AFAP1L1: variants seen among roughly 807,000 people sequenced by gnomAD.
AFAP1L1 encodes the protein actin filament-associated protein 1-like 1.
Under a neutral mutation model 99.8 loss-of-function variants are expected in AFAP1L1, and 77 were observed. The observed-to-expected ratio is 0.77, with a 90% confidence interval of 0.64 to 0.93. The LOEUF is 0.93. Ranked by LOEUF, AFAP1L1 falls within the 40% of genes least tolerant of loss-of-function variation. The probability of loss-of-function intolerance (pLI) is 0.00; values close to 1 mark genes in which losing one functional copy is unlikely to be tolerated. For missense variants in AFAP1L1, 893 were observed against 996.8 expected (o/e 0.90, Z 1.40); for synonymous variants, 373 against 395.3 (o/e 0.94, Z 0.67).
rs566520241 is a variant in AFAP1L1, at chr5:149,336,814, C to T, written c.2283+1092C>T. Among the ~76,000 whole-genome samples, 6 of 152,368 alleles carry T rather than the reference C, an allele frequency of 3.9e-5. No homozygotes were observed. The South Asian group carries it at 1.2e-3, about 32-fold the overall frequency. ...CTCTTAAAGGCTGCACCTCTCAATA[C>T]TGCCACATTAGGGATTAAATTTCAA... On this transcript the variant is annotated intron_variant, in intron 18 of 18. Coordinates refer to ENST00000296721, the MANE Select transcript of AFAP1L1 (RefSeq NM_152406.4).
At chr5:149,332,293 A>G (rs564316255) in intron 16 of AFAP1L1, among the ~76,000 whole-genome samples, 1 of 152,306 alleles carries the variant, frequency 6.6e-6, no homozygotes, top group South Asian at 2.1e-4. Context: ...GCTACTTGGG[A>G]GGCTGAGGCA....
Position 149,322,932 on chromosome 5 carries a change from G to A in AFAP1L1, c.1810+215G>A, listed in dbSNP as rs188389721. ...AGGGAAAATGACAGGGAGTTGGGGG[G>A]TGGGGAGGTACTGTAGGAAACCGGT... On this transcript the variant is annotated intron_variant, in intron 15 of 18. Transcript: ENST00000296721. Among the ~76,000 whole-genome samples the A allele has an allele frequency of 1.1e-4, 16 of 152,212 alleles. No individual in the cohort carries two copies. In the East Asian group the frequency reaches 3.1e-3, roughly 29 times the overall value.
chr5:149,300,272 A>G lies in AFAP1L1; in HGVS notation c.147A>G (p.Ala49=). ...SILQSLQPLP[A]KEVSYLYVNT... The stretch of plus-strand genomic sequence containing the variant: ...GCATGTCCCCCTTCTTCCTCACAGC[A>G]AAGGAGGTCTCCTACCTGTATGTGA... The change falls in exon 3 of 19, where the codon GCA becomes GCG. Residue 49 remains alanine (A), a splice_region_variant and synonymous_variant. Coordinates refer to ENST00000296721, the MANE Select transcript of AFAP1L1 (RefSeq NM_152406.4). The G allele has an allele frequency of 6.2e-7, 1 of 1,611,946 alleles. No individual in the cohort carries two copies. The highest frequency in any genetic ancestry group is 8.5e-7 in the Non-Finnish European group (1 of 1,178,924).
chr5:149,321,722 C>CAAAAAAAA (rs57366142), intron 14 of AFAP1L1, among the ~76,000 whole-genome samples: 3 of 63,762 alleles, frequency 4.7e-5, no homozygotes, highest in Admixed American at 2.0e-4. Flanking sequence ...GACTCTGTCT[C>CAAAAAAAA]AAAAAAAAAA....
chr5:149,323,355 T>A (rs1757008507), intron 15 of AFAP1L1, among the ~76,000 whole-genome samples: 1 of 152,226 alleles, frequency 6.6e-6, no homozygotes, highest in South Asian at 2.1e-4. Context: ...ATTGCCTGAT[T>A]ACCACACTGC....
chr5:149,301,057 C>G, intron 3 of AFAP1L1, 76 bp from the exon 4 acceptor site: 1 of 1,387,580 alleles, frequency 7.2e-7, no homozygotes, highest in Non-Finnish European at 1.0e-6. Flanking sequence ...CCTCCTGACC[C>G]CAAATCCAGC....
intron 1 of AFAP1L1, among the ~76,000 whole-genome samples, chr5:149,294,995 G>A (rs549089922): frequency 2.6e-5 from 4 of 152,342 alleles, no homozygotes; most frequent in African/African-American, 9.6e-5. Context: ...GGCGCTGGAG[G>A]ATTAGATGAG....
intron 1 of AFAP1L1, among the ~76,000 whole-genome samples, chr5:149,291,707 C>G (rs760498682): frequency 1.3e-5 from 2 of 152,032 alleles, no homozygotes; most frequent in Non-Finnish European, 2.9e-5. Context: ...TGGGTCATAC[C>G]CCACTGATAT....
intron 1 of AFAP1L1, among the ~76,000 whole-genome samples, chr5:149,272,961 T>G (rs1561655174): frequency 6.6e-6 from 1 of 152,016 alleles, no homozygotes; most frequent in African/African-American, 2.4e-5. Context: ...CCCCGGCCTC[T>G]CAAAGTGCTG....
rs572996749 is a variant in AFAP1L1 at position 149,296,231 on chromosome 5, G to A, written c.17-3278G>A. Among the ~76,000 whole-genome samples, 27 of 152,232 alleles carry A rather than the reference G, an allele frequency of 1.8e-4. No homozygotes were observed. The South Asian group carries it at 4.8e-3, about 27-fold the overall frequency. On this transcript the variant is annotated intron_variant, in intron 1 of 18. Coordinates refer to ENST00000296721, the MANE Select transcript of AFAP1L1 (RefSeq NM_152406.4). ...TGTATACTTTTGTAGATGGGATTTC[G>A]CCATGTTGCCCAGTCTGATCTCAAA...
At chr5:149,272,125 G>C (rs1755133977) in intron 1 of AFAP1L1, 141 bp downstream of exon 1, 3 of 933,138 alleles carry the variant, frequency 3.2e-6, no homozygotes, top group African/African-American at 1.7e-5. Context: ...ACTGGGAGAC[G>C]CGGCGCTTAT....
At chr5:149,300,838 C>T (rs1756181370) in intron 3 of AFAP1L1, among the ~76,000 whole-genome samples, 1 of 152,220 alleles carries the variant, frequency 6.6e-6, no homozygotes. Flanking sequence ...GACTCATAGA[C>T]TTAGGGAGCA....
chr5:149,327,885 A>C, intron 15 of AFAP1L1, among the ~76,000 whole-genome samples: 1 of 152,198 alleles, frequency 6.6e-6, no homozygotes, highest in Non-Finnish European at 1.5e-5. Context: ...AAAATATTCA[A>C]ATAATGGCTG....
At chr5:149,339,605 T>TG (rs1403141785) in intron 18 of AFAP1L1, among the ~76,000 whole-genome samples, 2 of 152,174 alleles carry the variant, frequency 1.3e-5, no homozygotes, top group African/African-American at 4.8e-5. Context: ...TAGGAGCTGA[T>TG]GGATTATATG....
At chr5:149,334,159 A>G (rs1161249726) in intron 17 of AFAP1L1, among the ~76,000 whole-genome samples, 2 of 152,214 alleles carry the variant, frequency 1.3e-5, no homozygotes, top group East Asian at 3.8e-4. Context: ...TCAGGAGGCA[A>G]TGTGTCATTA....
chr5:149,300,114 A>G (rs1756148871), intron 2 of AFAP1L1, among the ~76,000 whole-genome samples, 157 bp from the exon 3 acceptor site: 1 of 152,236 alleles, frequency 6.6e-6, no homozygotes, highest in Non-Finnish European at 1.5e-5. Flanking sequence ...CAGTGTAAAA[A>G]CTAAAACAAA....
At chr5:149,328,854 A>G (rs352336) in intron 15 of AFAP1L1, among the ~76,000 whole-genome samples, 56,783 of 152,026 alleles carry the variant, frequency 0.37, 11,177 homozygotes, top group Middle Eastern at 0.62. Flanking sequence ...GACTAAGTGG[A>G]AATGCAAGTG....
chr5:149,305,878 CCA>C (rs56036411), intron 5 of AFAP1L1, among the ~76,000 whole-genome samples: 12,264 of 142,392 alleles, frequency 0.086, 572 homozygotes, highest in Admixed American at 0.13. Context: ...GACCAACACA[CCA>C]CACACACACA....
chr5:149,314,760 G>A (rs1756746775), intron 9 of AFAP1L1, among the ~76,000 whole-genome samples: 2 of 152,218 alleles, frequency 1.3e-5, no homozygotes, highest in South Asian at 4.1e-4. Flanking sequence ...TTATGGTGAA[G>A]CATAAGCTGA....
Sources: allele counts gnomAD v4.1 joint callset (sites outside exome capture counted in the v4.1 genomes callset), GRCh38; gene constraint gnomAD v4.1.1; transcripts MANE v1.5; gene names NCBI Gene and HGNC (gene_info 2026-07-23, HGNC 2026-07-21).